POMC: variants seen among roughly 807,000 people sequenced by gnomAD.
The protein encoded by POMC is pro-opiomelanocortin.
In POMC, 19 loss-of-function variants were observed where a neutral mutation model predicts 18.5. That is an observed-to-expected ratio of 1.03 (90% CI 0.72 to 1.51). The LOEUF is 1.51. Among genes scored for constraint, POMC ranks in the 40% most tolerant of loss-of-function variants. POMC has a pLI of 0.00. For missense variants in POMC, 451 were observed against 379.0 expected (o/e 1.19, Z -1.58); for synonymous variants, 179 against 161.9 (o/e 1.11, Z -0.80).
chr2:25,161,969 CT>C lies in POMC; in HGVS notation c.133-218del, dbSNP rs1157111169. 6.6e-6 allele frequency among the ~76,000 whole-genome samples: 1 copy of C among 152,234 alleles called. No individual in the cohort carries two copies. Among genetic ancestry groups the C allele is most frequent in the African/African-American group, 2.4e-5 (1 of 41,464 alleles). On this transcript the variant is annotated intron_variant, in intron 2 of 2. Transcript: ENST00000395826. The surrounding 1 kb of genome is among the most constrained non-coding windows in gnomAD (Gnocchi z 5.7). The stretch of plus-strand genomic sequence containing the variant: ...GGCATCTAAGATCTTGCCACTGCCT[CT>C]TTTGTCCCATCCCCTTCATGCTTCT...
chr2:25,161,899 C>G lies in POMC; in HGVS notation c.133-147G>C. The stretch of plus-strand genomic sequence containing the variant: ...TGTCGGGCGTGTCAAGCGTCGAGGC[C>G]TCCCTACAGAGCAGGTCTGCCCACC... On this transcript the variant is annotated intron_variant, in intron 2 of 2. Transcript: ENST00000395826. This position sits in a 1 kb window ranked among gnomAD's most constrained non-coding sequence, Gnocchi z 5.7. 7.3e-7 allele frequency: 1 copy of G among 1,366,224 alleles called. No homozygotes were observed. Among genetic ancestry groups the G allele is most frequent in the Non-Finnish European group, 9.6e-7 (1 of 1,042,410 alleles). 84.6% of individuals were successfully genotyped at this position (1,366,224 alleles called of 1,614,324 possible).
intron 1 of POMC, among the ~76,000 whole-genome samples, chr2:25,165,445 A>G (rs1043504121): frequency 6.6e-6 from 1 of 152,174 alleles, no homozygotes; most frequent in African/African-American, 2.4e-5. Flanking sequence ...GGTGATCACT[A>G]TTACCCAGAC....
In POMC at chr2:25,168,051, G is replaced by A. The variant is rs1671616777; in HGVS notation, c.-21+447C>T. 6.6e-6 allele frequency among the ~76,000 whole-genome samples: 1 copy of A among 152,094 alleles called. No homozygotes were observed. The highest frequency in any genetic ancestry group is 1.5e-5 in the Non-Finnish European group (1 of 68,014). On this transcript the variant is annotated intron_variant, in intron 1 of 2. Coordinates refer to ENST00000395826, the MANE Select transcript of POMC (RefSeq NM_000939.4). This position sits in a 1 kb window ranked among gnomAD's most constrained non-coding sequence, Gnocchi z 5.2. ...TGCCTGTAATCCCAGCTACTCGGGAGGCTGAAGCAGGAGAATCGCTTGAAC... is the reference window on the plus strand; with the variant it reads ...TGCCTGTAATCCCAGCTACTCGGGAAGCTGAAGCAGGAGAATCGCTTGAAC...
chr2:25,166,961 T>G (rs1671576916), intron 1 of POMC, among the ~76,000 whole-genome samples: 1 of 152,234 alleles, frequency 6.6e-6, no homozygotes, highest in South Asian at 2.1e-4. Flanking sequence ...AGGGAAAGTA[T>G]TATAATCCAA....
chr2:25,165,923 T>C (rs910234699), intron 1 of POMC, among the ~76,000 whole-genome samples: 1 of 152,224 alleles, frequency 6.6e-6, no homozygotes, highest in African/African-American at 2.4e-5. Context: ...GAAATGTAAT[T>C]AGATGAGAAA....
rs1217818255 is a variant in POMC at position 25,161,665 on chromosome 2, G to A, written c.220C>T (p.Pro74Ser). Reference protein sequence around the residue: ...NGDEQPLTENPRKYVMGHFRW... With the variant: ...NGDEQPLTENSRKYVMGHFRW... Reference sequence around the variant, plus strand: ...AAGTGGCCCATGACGTACTTCCGGGGGTTCTCGGTCAGAGGCTGCTCGTCG... The same window carrying A: ...AAGTGGCCCATGACGTACTTCCGGGAGTTCTCGGTCAGAGGCTGCTCGTCG... The change falls in exon 3 of 3, where the codon CCC becomes TCC. Residue 74 changes from proline (P) to serine (S), a missense_variant. Pro to Ser is a moderately conservative substitution (Grantham distance 74). Transcript: ENST00000395826. This position sits in a 1 kb window ranked among gnomAD's most constrained non-coding sequence, Gnocchi z 5.7. 19 of 1,561,812 alleles carry A rather than the reference G, an allele frequency of 1.2e-5. No individual in the cohort carries two copies. The highest frequency in any genetic ancestry group is 1.6e-5 in the Non-Finnish European group (19 of 1,153,960).
At chr2:25,164,375 G>C (rs1394918185) in intron 2 of POMC, among the ~76,000 whole-genome samples, 1 of 152,070 alleles carries the variant, frequency 6.6e-6, no homozygotes, top group African/African-American at 2.4e-5. Context: ...TAGCTTAAAG[G>C]GTTCAAGGTC....
At position 25,168,253 on chromosome 2, in the gene POMC, T is replaced by G. The variant is rs571636821; in HGVS notation, c.-21+245A>C. ...CCCTGGGGGAGAGGAGGCCGCCGGC[T>G]CCCTGGAGACAGCGCCTGCAGCTTC... On this transcript the variant is annotated intron_variant, in intron 1 of 2. Transcript: ENST00000395826. The surrounding 1 kb of genome is among the most constrained non-coding windows in gnomAD (Gnocchi z 5.2). Among the ~76,000 whole-genome samples the G allele has an allele frequency of 5.1e-4, 78 of 151,654 alleles. No homozygotes were observed. The East Asian group carries it at 0.013, about 26-fold the overall frequency.
chr2:25,161,567 GTCCTC>G lies in POMC; in HGVS notation c.313_317del (p.Glu105ArgfsTer12). 1 of 1,566,894 alleles carries G rather than the reference GTCCTC, an allele frequency of 6.4e-7. No homozygotes were observed. Among genetic ancestry groups the G allele is most frequent in the Non-Finnish European group, 8.7e-7 (1 of 1,155,874 alleles). On this transcript the variant is annotated frameshift_variant, in exon 3 of 3. Coordinates refer to ENST00000395826, the MANE Select transcript of POMC (RefSeq NM_000939.4). LOFTEE classifies it high-confidence loss of function. This position sits in a 1 kb window ranked among gnomAD's most constrained non-coding sequence, Gnocchi z 5.7. Reference sequence around the variant, plus strand: ...GGCCGCAGTCTTCGCCCGCTGAGACGTCCTCGCGCTTCTGCCCTGCGCCGCTGCTG... The same window carrying G: ...GGCCGCAGTCTTCGCCCGCTGAGACGGCGCTTCTGCCCTGCGCCGCTGCTG...
chr2:25,164,911 T>G, intron 1 of POMC, 119 bp from the exon 2 acceptor site: 1 of 1,086,410 alleles, frequency 9.2e-7, no homozygotes, highest in Non-Finnish European at 1.4e-6. Flanking sequence ...TTAAAGGCAT[T>G]TTAAGGACAG....
At position 25,161,029 on chromosome 2, in the gene POMC, G is replaced by C; in HGVS notation, c.*52C>G. On this transcript the variant is annotated 3_prime_UTR_variant, in exon 3 of 3. Coordinates refer to ENST00000395826, the MANE Select transcript of POMC (RefSeq NM_000939.4). This position sits in a 1 kb window ranked among gnomAD's most constrained non-coding sequence, Gnocchi z 5.7. Reference sequence around the variant, plus strand: ...GCAGCAGGGCAGGGGAGAGCAAGGGGCTTTGGGGTCGACCTCCTGGGGGAG... The same window carrying C: ...GCAGCAGGGCAGGGGAGAGCAAGGGCCTTTGGGGTCGACCTCCTGGGGGAG... The C allele has an allele frequency of 6.2e-7, 1 of 1,612,492 alleles. No individual in the cohort carries two copies. Among genetic ancestry groups the C allele is most frequent in the African/African-American group, 1.3e-5 (1 of 75,036 alleles).
At position 25,161,314 on chromosome 2, in the gene POMC, G is replaced by C. The variant is rs1671352556; in HGVS notation, c.571C>G (p.Pro191Ala). ...GCGCCGTCATCGGCAGGGCCGTCGG[G>C]GCCATCTCCCTCCCGGAGTCGCTGG... ...TGQRLREGDG[P>A]DGPADDGAGA... The change falls in exon 3 of 3, where the codon CCC becomes GCC. Residue 191 changes from proline (P) to alanine (A), a missense_variant. By Grantham distance (27) the Pro-to-Ala change is conservative. Coordinates refer to ENST00000395826, the MANE Select transcript of POMC (RefSeq NM_000939.4). This position sits in a 1 kb window ranked among gnomAD's most constrained non-coding sequence, Gnocchi z 5.7. 9 of 1,608,854 alleles carry C rather than the reference G, an allele frequency of 5.6e-6. No homozygotes were observed. Among genetic ancestry groups the C allele is most frequent in the Non-Finnish European group, 7.6e-6 (9 of 1,178,102 alleles).
Position 25,161,246 on chromosome 2 carries a change from G to T in POMC, c.639C>A (p.Ala213=). 1 of 1,612,436 alleles carries T rather than the reference G, an allele frequency of 6.2e-7. No homozygotes were observed. Among genetic ancestry groups the T allele is most frequent in the East Asian group, 2.2e-5 (1 of 44,844 alleles). ...TGTAGGGGCCCTCGTCCTTCTTCTC[G>T]GCCGCCACCAGCAGGCTGTGCTCCA... is the stretch of plus-strand genomic sequence containing the variant. The part of the protein sequence containing the change: ...ADLEHSLLVA[A]EKKDEGPYRM... Residue 213 remains alanine, a synonymous_variant, in exon 3 of 3, where the codon GCC becomes GCA. Transcript: ENST00000395826. The surrounding 1 kb of genome is among the most constrained non-coding windows in gnomAD (Gnocchi z 5.7).
intron 1 of POMC, among the ~76,000 whole-genome samples, chr2:25,167,729 G>A (rs903353515): frequency 2.6e-5 from 4 of 152,198 alleles, no homozygotes; most frequent in African/African-American, 4.8e-5. Context: ...AATCCGGAAG[G>A]CAGGGCGTTC....
In POMC at chr2:25,161,659, T is replaced by G. The variant is rs996969169; in HGVS notation, c.226A>C (p.Lys76Gln). The G allele has an allele frequency of 7.7e-6, 12 of 1,559,280 alleles. 2 individuals are homozygous for G. The highest frequency in any genetic ancestry group is 6.8e-5 in the African/African-American group (5 of 73,390). The change falls in exon 3 of 3, where the codon AAG becomes CAG. Residue 76 changes from lysine (K) to glutamine (Q), a missense_variant. By Grantham distance (53) the Lys-to-Gln change is moderately conservative. Transcript: ENST00000395826. The surrounding 1 kb of genome is among the most constrained non-coding windows in gnomAD (Gnocchi z 5.7). The part of the protein sequence containing the change: ...DEQPLTENPR[K>Q]YVMGHFRWDR... ...CAGCGGAAGTGGCCCATGACGTACTTCCGGGGGTTCTCGGTCAGAGGCTGC... is the reference window on the plus strand; with the variant it reads ...CAGCGGAAGTGGCCCATGACGTACTGCCGGGGGTTCTCGGTCAGAGGCTGC...
chr2:25,161,315 G>A lies in POMC; in HGVS notation c.570C>T (p.Gly190=), dbSNP rs377251791. 1.9e-6 allele frequency: 3 copies of A among 1,608,694 alleles called. No homozygotes were observed. The highest frequency in any genetic ancestry group is 2.5e-6 in the Non-Finnish European group (3 of 1,177,934). The part of the protein sequence containing the change: ...LTGQRLREGD[G]PDGPADDGAG... ...CGCCGTCATCGGCAGGGCCGTCGGGGCCATCTCCCTCCCGGAGTCGCTGGC... is the reference window on the plus strand; with the variant it reads ...CGCCGTCATCGGCAGGGCCGTCGGGACCATCTCCCTCCCGGAGTCGCTGGC... The change falls in exon 3 of 3, where the codon GGC becomes GGT. Residue 190 remains glycine, a synonymous_variant. Transcript: ENST00000395826. This position sits in a 1 kb window ranked among gnomAD's most constrained non-coding sequence, Gnocchi z 5.7.
At position 25,161,621 on chromosome 2, in the gene POMC, G is replaced by C; in HGVS notation, c.264C>G (p.Gly88=). ...TGCCGCTGCTGCTGCTGTTGCGGCG[G>C]CCGAATCGGTCCCAGCGGAAGTGGC... ...VMGHFRWDRF[G]RRNSSSSGSS... Residue 88 remains glycine (G), a synonymous_variant, in exon 3 of 3, where the codon GGC becomes GGG. Transcript: ENST00000395826. The surrounding 1 kb of genome is among the most constrained non-coding windows in gnomAD (Gnocchi z 5.7). 6.4e-7 allele frequency: 1 copy of C among 1,553,574 alleles called. No homozygotes were observed. Among genetic ancestry groups the C allele is most frequent in the Non-Finnish European group, 8.7e-7 (1 of 1,148,802 alleles).
rs376657620 is a variant in POMC at position 25,168,154 on chromosome 2, C to CA, written c.-21+343dup. Among the ~76,000 whole-genome samples, 2,637 of 124,986 alleles carry CA rather than the reference C, an allele frequency of 0.021. 45 individuals are homozygous for CA. The highest frequency in any genetic ancestry group is 0.05 in the African/African-American group (1,689 of 33,846). The allele number at this position is 124,986 out of a possible 152,430, so 82.0% of individuals were successfully genotyped here. A position where few individuals can be genotyped will look rare whatever the true frequency, so the allele number is the denominator to read the frequency against. The stretch of plus-strand genomic sequence containing the variant: ...GGGCAACAAGAGCGAAACTCCGTCT[C>CA]AAAAAAAAAAAAAAAGACCGGGTTG... On this transcript the variant is annotated intron_variant, in intron 1 of 2. Coordinates refer to ENST00000395826, the MANE Select transcript of POMC (RefSeq NM_000939.4). The surrounding 1 kb of genome is among the most constrained non-coding windows in gnomAD (Gnocchi z 5.2).
At position 25,168,461 on chromosome 2, in the gene POMC, G is replaced by A. The variant is rs891119574; in HGVS notation, c.-21+37C>T. ...CGCGAGGACGGGGACAGGGGATCCC[G>A]GGGAAAGAGCACGGGTCCCCCACGC... On this transcript the variant is annotated intron_variant, in intron 1 of 2. Transcript: ENST00000395826. The surrounding 1 kb of genome is among the most constrained non-coding windows in gnomAD (Gnocchi z 5.2). 6.6e-6 allele frequency: 1 copy of A among 152,242 alleles called. No homozygotes were observed. Among genetic ancestry groups the A allele is most frequent in the Non-Finnish European group, 1.5e-5 (1 of 68,056 alleles). The allele number at this position is 152,242 out of a possible 1,614,324, so 9.4% of individuals were successfully genotyped here. A position where few individuals can be genotyped will look rare whatever the true frequency, so the allele number is the denominator to read the frequency against.
Sources: allele counts gnomAD v4.1 joint callset (sites outside exome capture counted in the v4.1 genomes callset), GRCh38; gene constraint gnomAD v4.1.1; non-coding constraint Gnocchi (gnomAD v3.1); transcripts MANE v1.5; gene names NCBI Gene and HGNC (gene_info 2026-07-23, HGNC 2026-07-21).